KIF1A: variants seen among roughly 807,000 people sequenced by gnomAD.
KIF1A encodes the protein kinesin-like protein KIF1A.
In KIF1A, 46 loss-of-function variants were observed where a neutral mutation model predicts 227.3. The observed-to-expected ratio is 0.20, with a 90% CI of 0.16 to 0.26. KIF1A has a LOEUF of 0.26. Among genes scored for constraint, KIF1A ranks in the 10% least tolerant of loss-of-function variants. The pLI is 1.00. For synonymous variants in KIF1A, 1,022 were observed against 1,012.8 expected, an observed-to-expected ratio of 1.01 and a Z score of -0.17; for missense variants, 1,683 against 2,485.9, an observed-to-expected ratio of 0.68 and a Z score of 6.87.
chr2:240,715,513 A>G lies in KIF1A; in HGVS notation c.*1851T>C, dbSNP rs530842068. The G allele has an allele frequency of 2.6e-5, 4 of 152,370 alleles. No individual in the cohort carries two copies. The highest frequency in any genetic ancestry group is 5.9e-5 in the Non-Finnish European group (4 of 68,036). The allele number at this position is 152,370 out of a possible 1,614,324, so 9.4% of individuals were successfully genotyped here. A position where few individuals can be genotyped will look rare whatever the true frequency, so the allele number is the denominator to read the frequency against. On this transcript the variant is annotated 3_prime_UTR_variant, in exon 49 of 49. Coordinates refer to ENST00000498729, the MANE Select transcript of KIF1A (RefSeq NM_001244008.2). Reference sequence around the variant, plus strand: ...GGCGAGCCCACAGTCCCAGCTCCCAAACAGGCTGGCCCAGGCAGGCAGCCA... The same window carrying G: ...GGCGAGCCCACAGTCCCAGCTCCCAGACAGGCTGGCCCAGGCAGGCAGCCA...
Position 240,715,742 on chromosome 2 carries a change from T to TCC in KIF1A, c.*1621_*1622insGG, listed in dbSNP as rs2044538243. On this transcript the variant is annotated 3_prime_UTR_variant, in exon 49 of 49. Coordinates refer to ENST00000498729, the MANE Select transcript of KIF1A (RefSeq NM_001244008.2). ...GGGGTCTCTGAGGCTCATGTCAGCA[T>TCC]CACGTGGGACAGCCTGGGAGGGTAG... The TCC allele has an allele frequency of 6.6e-6, 1 of 152,298 alleles. No individual in the cohort carries two copies. The highest frequency in any genetic ancestry group is 1.5e-5 in the Non-Finnish European group (1 of 68,044). 9.4% of individuals were successfully genotyped at this position (152,298 alleles called of 1,614,324 possible).
intron 27 of KIF1A, among the ~76,000 whole-genome samples, chr2:240,755,050 C>T (rs550998049): frequency 1.3e-5 from 2 of 152,352 alleles, no homozygotes; most frequent in East Asian, 1.9e-4. Flanking sequence ...CCCACCCACC[C>T]TTCCTGTGTT....
chr2:240,761,218 G>A lies in KIF1A; in HGVS notation c.2265+11C>T, dbSNP rs1280177896. 2 of 1,609,098 alleles carry A rather than the reference G, an allele frequency of 1.2e-6. No individual in the cohort carries two copies. Among genetic ancestry groups the A allele is most frequent in the Non-Finnish European group, 1.7e-6 (2 of 1,177,250 alleles). ...TCCAACAGGAAACGGTACAGCCAGT[G>A]GGCAGCCCACCTTCTTTTTCAGCTC... On this transcript the variant is annotated intron_variant, in intron 24 of 48. Coordinates refer to ENST00000498729, the MANE Select transcript of KIF1A (RefSeq NM_001244008.2).
Position 240,775,754 on chromosome 2 carries a change from G to T in KIF1A, c.958+97C>A. 3 of 814,186 alleles carry T rather than the reference G, an allele frequency of 3.7e-6. No individual in the cohort carries two copies. Among genetic ancestry groups the T allele is most frequent in the Non-Finnish European group, 4.3e-6 (2 of 467,328 alleles). 50.4% of individuals were successfully genotyped at this position (814,186 alleles called of 1,614,324 possible). On this transcript the variant is annotated intron_variant, in intron 11 of 48. Coordinates refer to ENST00000498729, the MANE Select transcript of KIF1A (RefSeq NM_001244008.2). This position sits in a 1 kb window ranked among gnomAD's most constrained non-coding sequence, Gnocchi z 5.5. ...CAGCCTCAGCCCAGAAAGGGTGAGA[G>T]GCCTGCTGGCGACTGGGCACCCCCT...
In KIF1A at chr2:240,771,095, G is replaced by T. The variant is rs762320905; in HGVS notation, c.1217C>A (p.Ala406Asp). 3.1e-6 allele frequency: 5 copies of T among 1,613,538 alleles called. No individual in the cohort carries two copies. The East Asian group carries it at 1.1e-4, about 36-fold the overall frequency. The change falls in exon 15 of 49, where the codon GCC becomes GAC. Residue 406 changes from alanine to aspartate, a missense_variant. Around this residue, in one of 12 missense-constraint regions of KIF1A, gnomAD observed 110 missense variants for 133.1 expected, o/e 0.83. Transcript: ENST00000498729. ...GGATGAGGGGCTCATACCCACCAGGGCATTGGTCACTGTGGAGAGAGGGTC... is the reference window on the plus strand; with the variant it reads ...GGATGAGGGGCTCATACCCACCAGGTCATTGGTCACTGTGGAGAGAGGGTC... ...TVPGGPKLTNALVGMSPSSSL... is the reference protein window; with the variant it reads ...TVPGGPKLTNDLVGMSPSSSL...
chr2:240,819,617 G>C (rs1035717739), intron 1 of KIF1A, among the ~76,000 whole-genome samples: 25 of 148,814 alleles, frequency 1.7e-4, no homozygotes, highest in Middle Eastern at 3.7e-3. Flanking sequence ...CTCTCCCCTC[G>C]GGCCGAGGCG....
chr2:240,777,474 TCCTGCTCCCTCACCGCCTC>T (rs2052906285), intron 10 of KIF1A, among the ~76,000 whole-genome samples: 1 of 152,166 alleles, frequency 6.6e-6, no homozygotes, highest in South Asian at 2.1e-4. Context: ...CCCCTGGGTT[TCCTGCTCCCTCACCGCCTC>T]CCTGTCCAGT....
chr2:240,741,494 C>T, intron 34 of KIF1A, 117 bp from the exon 35 acceptor site: 1 of 737,284 alleles, frequency 1.4e-6, no homozygotes, highest in East Asian at 2.9e-5. Flanking sequence ...AAGGGCACCT[C>T]CCCCTCCTCA....
At chr2:240,749,407 C>T (rs573700601) in intron 28 of KIF1A, among the ~76,000 whole-genome samples, 1 of 152,168 alleles carries the variant, frequency 6.6e-6, no homozygotes, top group African/African-American at 2.4e-5. Flanking sequence ...CAGCCAGGAG[C>T]CCCCCTGCAG....
Position 240,726,789 on chromosome 2 carries a change from G to A in KIF1A, c.4122+37C>T, listed in dbSNP as rs1456299781. 4.7e-6 allele frequency: 6 copies of A among 1,274,810 alleles called. No individual in the cohort carries two copies. The Admixed American group carries it at 7.4e-5, about 16-fold the overall frequency. The allele number at this position is 1,274,810 out of a possible 1,614,324, so 79.0% of individuals were successfully genotyped here. ...AAGAACCTCAAGCTTCAGGGGCTGA[G>A]TGGTTTTGGTGGAGTGCCCTGGCAT... On this transcript the variant is annotated intron_variant, in intron 39 of 48. Coordinates refer to ENST00000498729, the MANE Select transcript of KIF1A (RefSeq NM_001244008.2). This position sits in a 1 kb window ranked among gnomAD's most constrained non-coding sequence, Gnocchi z 5.2.
chr2:240,727,060 G>A (rs2046096351), intron 38 of KIF1A, 120 bp from the exon 39 acceptor site: 6 of 600,526 alleles, frequency 1.0e-5, no homozygotes, highest in Admixed American at 5.7e-5. Context: ...GCGGCTGGGG[G>A]CACAGGCTGG....
At chr2:240,733,898 G>A (rs770499860) in intron 38 of KIF1A, among the ~76,000 whole-genome samples, 5 of 152,220 alleles carry the variant, frequency 3.3e-5, no homozygotes, top group East Asian at 1.9e-4. Context: ...CATTCGGAAC[G>A]GACTCGAGTT....
intron 20 of KIF1A, among the ~76,000 whole-genome samples, chr2:240,765,180 T>C (rs1326833264): frequency 6.6e-6 from 1 of 152,246 alleles, no homozygotes; most frequent in African/African-American, 2.4e-5. Flanking sequence ...TGTCTGACTG[T>C]CTGACTTCTC....
intron 27 of KIF1A, 91 bp from the exon 28 acceptor site, chr2:240,750,638 A>T: frequency 2.1e-6 from 2 of 931,110 alleles, no homozygotes; most frequent in Non-Finnish European, 3.4e-6. Flanking sequence ...TCACGACACA[A>T]CATGGAGCTG....
chr2:240,729,656 C>T (rs979403052), intron 38 of KIF1A, among the ~76,000 whole-genome samples: 4 of 152,264 alleles, frequency 2.6e-5, no homozygotes, highest in African/African-American at 9.6e-5. Context: ...AGGCCCACAA[C>T]AGCCCCCTTG....
chr2:240,721,158 T>C (rs1163802331), intron 44 of KIF1A, 120 bp from the exon 45 acceptor site: 2 of 1,312,380 alleles, frequency 1.5e-6, no homozygotes, highest in Non-Finnish European at 2.1e-6. Flanking sequence ...CCACCCCTCC[T>C]ACCAGCAGCC....
At chr2:240,750,152 C>T (rs2125822925) in intron 28 of KIF1A, among the ~76,000 whole-genome samples, 1 of 152,368 alleles carries the variant, frequency 6.6e-6, no homozygotes, top group South Asian at 2.1e-4. Flanking sequence ...AAGGCACCTC[C>T]AGCTGACCCT....
chr2:240,736,552 G>A lies in KIF1A; in HGVS notation c.4007+511C>T, dbSNP rs11886658. On this transcript the variant is annotated intron_variant, in intron 38 of 48. Coordinates refer to ENST00000498729, the MANE Select transcript of KIF1A (RefSeq NM_001244008.2). This position sits in a 1 kb window ranked among gnomAD's most constrained non-coding sequence, Gnocchi z 4.7. The stretch of plus-strand genomic sequence containing the variant: ...CCAAAACCCCAGCCTAAATGCGGTC[G>A]GGCTGGGACCGCCCAGACTGTGGGG... Among the ~76,000 whole-genome samples, 105,281 of 152,076 alleles carry A rather than the reference G, an allele frequency of 0.69. 36,759 individuals are homozygous for A. Among genetic ancestry groups the A allele is most frequent in the East Asian group, 0.84 (4,331 of 5,162 alleles).
At chr2:240,803,257 C>A (rs926880528) in intron 1 of KIF1A, among the ~76,000 whole-genome samples, 4 of 152,220 alleles carry the variant, frequency 2.6e-5, no homozygotes, top group African/African-American at 9.6e-5. Context: ...GTAGCTAAAG[C>A]CGGACTGACG....
Sources: gnomAD v4.1 joint callset for allele counts (sites outside exome capture counted in the v4.1 genomes callset) on GRCh38, gnomAD v4.1.1 for gene constraint, gnomAD v4.1.1 regional missense constraint, Gnocchi (gnomAD v3.1) non-coding constraint, MANE v1.5 for transcripts, NCBI Gene and HGNC (gene_info 2026-07-23, HGNC 2026-07-21) for gene names.